PDHX: variants seen among roughly 807,000 people sequenced by gnomAD.
PDHX encodes pyruvate dehydrogenase protein X component, mitochondrial.
A neutral mutation model predicts 55.3 loss-of-function variants in PDHX; 33 were observed. The observed-to-expected ratio is 0.60, with a 90% CI of 0.45 to 0.80. The LOEUF (loss-of-function observed/expected upper bound fraction) is 0.80. Among genes scored for constraint, PDHX ranks in the 30% least tolerant of loss-of-function variants. The pLI is 0.00. For missense variants in PDHX, 622 were observed against 619.9 expected (o/e 1.00, Z -0.04); for synonymous variants, 226 against 219.4 (o/e 1.03, Z -0.27).
At chr11:34,916,464 C>G (rs574902434), upstream of PDHX, 16 of 1,460,546 alleles carry the variant, frequency 1.1e-5, no homozygotes, top group African/African-American at 1.6e-4. Context: ...AGATATCCAG[C>G]GGCGCACCTG....
chr11:34,916,120 C>A, upstream of PDHX: 1 of 1,438,538 alleles, frequency 7.0e-7, no homozygotes, highest in African/African-American at 1.4e-5. Flanking sequence ...CGAAACCCCG[C>A]CCCGCAGCTA....
intron 6 of PDHX, among the ~76,000 whole-genome samples, chr11:34,968,281 A>G (rs1323732940): frequency 4.0e-5 from 6 of 149,136 alleles, no homozygotes; most frequent in African/African-American, 1.5e-4. Flanking sequence ...AAAAAAAGTT[A>G]TTCAAATTAA....
At chr11:34,960,390 G>T (rs763187309) in intron 4 of PDHX, 30 bp from the exon 5 acceptor site, 9 of 1,372,314 alleles carry the variant, frequency 6.6e-6, no homozygotes, top group African/African-American at 1.4e-5. Flanking sequence ...GTGTTAATTG[G>T]TTCTATTAAC....
chr11:34,916,350 G>T (rs762615901), upstream of PDHX: 2 of 1,590,592 alleles, frequency 1.3e-6, no homozygotes, highest in African/African-American at 2.7e-5. Context: ...GCTTAGCCTG[G>T]GATACGGCAG....
rs1354454537 is a variant in PDHX, at chr11:34,966,606, T to G, written c.642-34T>G. On this transcript the variant is annotated intron_variant, in intron 5 of 10. Coordinates refer to ENST00000227868, the MANE Select transcript of PDHX (RefSeq NM_003477.3). ...AAAGTTCTGTTATATTCCTTATTGC[T>G]AATTATGGTTATCTACTTTGCTCTT... 4 of 1,604,240 alleles carry G rather than the reference T, an allele frequency of 2.5e-6. No individual in the cohort carries two copies. The African/African-American group carries it at 4.0e-5, about 16-fold the overall frequency.
At chr11:34,933,640 T>C (rs1854231308) in intron 2 of PDHX, among the ~76,000 whole-genome samples, 1 of 152,150 alleles carries the variant, frequency 6.6e-6, no homozygotes, top group African/African-American at 2.4e-5. Context: ...TAAGCACCCC[T>C]AGAACCCAGA....
chr11:34,924,863 G>A (rs1450488899), intron 1 of PDHX, among the ~76,000 whole-genome samples: 1 of 152,008 alleles, frequency 6.6e-6, no homozygotes, highest in Admixed American at 6.6e-5. Context: ...CTTTCTTCTG[G>A]CATTTGCCCA....
chr11:34,924,776 A>T (rs1457733797), intron 1 of PDHX, among the ~76,000 whole-genome samples: 1 of 152,194 alleles, frequency 6.6e-6, no homozygotes, highest in Non-Finnish European at 1.5e-5. Context: ...AAAGGCTTGT[A>T]ACAGTACAGT....
intron 1 of PDHX, 55 bp from the exon 2 acceptor site, chr11:34,931,349 G>A: frequency 1.1e-6 from 1 of 892,356 alleles, no homozygotes; most frequent in South Asian, 1.4e-5. Context: ...TTATATTGAT[G>A]CCTCATGAGG....
intron 1 of PDHX, among the ~76,000 whole-genome samples, chr11:34,923,111 G>C (rs983777248): frequency 4.6e-5 from 7 of 151,944 alleles, no homozygotes; most frequent in Admixed American, 3.9e-4. Context: ...AAAAATTCTG[G>C]CTAACCTCTT....
intron 9 of PDHX, 53 bp from the exon 10 acceptor site, chr11:34,992,262 A>G: frequency 1.0e-6 from 1 of 1,001,232 alleles, no homozygotes; most frequent in Non-Finnish European, 1.6e-6. Flanking sequence ...AAGTGACAAG[A>G]TCAACTGTAT....
chr11:34,949,948 AT>A (rs539278394), intron 3 of PDHX, among the ~76,000 whole-genome samples: 3 of 152,056 alleles, frequency 2.0e-5, no homozygotes, highest in South Asian at 2.1e-4. Flanking sequence ...ATTAAAACAA[AT>A]TTTTTTTAAA....
At chr11:34,920,767 C>T (rs1027460737) in intron 1 of PDHX, among the ~76,000 whole-genome samples, 1 of 151,942 alleles carries the variant, frequency 6.6e-6, no homozygotes, top group Non-Finnish European at 1.5e-5. Flanking sequence ...GTACTCTTAT[C>T]TCTACGGAAG....
intron 1 of PDHX, among the ~76,000 whole-genome samples, chr11:34,926,986 T>G (rs567583866): frequency 2.6e-5 from 4 of 151,296 alleles, no homozygotes; most frequent in South Asian, 2.1e-4. Flanking sequence ...AGCAAAAAAT[T>G]TTAATGTATT....
Position 34,984,704 on chromosome 11 carries a change from C to G in PDHX, c.1158C>G (p.Ile386Met), listed in dbSNP as rs763203759. The G allele has an allele frequency of 6.2e-7, 1 of 1,613,866 alleles. No individual in the cohort carries two copies. The highest frequency in any genetic ancestry group is 1.3e-5 in the African/African-American group (1 of 74,900). ...PIIKDAAAKG[I>M]QEIADSVKAL... ...TAAAAGATGCTGCTGCTAAAGGTAT[C>G]CAGGAAATTGCTGACTCTGTAAAGG... is the stretch of plus-strand genomic sequence containing the variant. The change falls in exon 9 of 11, where the codon ATC becomes ATG. Residue 386 changes from isoleucine to methionine, a missense_variant. By Grantham distance (10) the Ile-to-Met change is conservative. Transcript: ENST00000227868.
chr11:34,935,359 A>C (rs1854284252), intron 2 of PDHX, among the ~76,000 whole-genome samples: 2 of 152,284 alleles, frequency 1.3e-5, no homozygotes, highest in South Asian at 4.1e-4. Flanking sequence ...TTAAGTACCT[A>C]ATATGGTGCT....
intron 2 of PDHX, among the ~76,000 whole-genome samples, chr11:34,932,811 G>A (rs534465652): frequency 8.5e-5 from 13 of 152,314 alleles, no homozygotes; most frequent in African/African-American, 3.1e-4. Context: ...TCACAGCACT[G>A]TTTGAAATAG....
chr11:34,919,038 C>T (rs188648136), intron 1 of PDHX, among the ~76,000 whole-genome samples: 2 of 152,236 alleles, frequency 1.3e-5, no homozygotes. Context: ...ACCTTAATTC[C>T]CTCTTGCCAT....
intron 8 of PDHX, among the ~76,000 whole-genome samples, chr11:34,981,246 C>G (rs187280735): frequency 6.6e-6 from 1 of 152,026 alleles, no homozygotes; most frequent in Non-Finnish European, 1.5e-5. Context: ...TGACAACATG[C>G]GGTGTTTGGT....
Sources: allele counts gnomAD v4.1 joint callset (sites outside exome capture counted in the v4.1 genomes callset), GRCh38; gene constraint gnomAD v4.1.1; transcripts MANE v1.5; gene names NCBI Gene and HGNC (gene_info 2026-07-23, HGNC 2026-07-21).